The following SLC44A5 variants were observed in gnomAD, a reference collection of about 807,000 sequenced individuals.
SLC44A5 encodes the protein solute carrier family 44 member 5.
In SLC44A5, 57 loss-of-function variants were observed where a neutral mutation model predicts 101.8. The ratio of observed to expected loss-of-function variants is 0.56; its 90% CI spans 0.45 to 0.70. The LOEUF (loss-of-function observed/expected upper bound fraction) is 0.70. Ranked by LOEUF, SLC44A5 falls within the 30% of genes least tolerant of loss-of-function variation. The pLI is 0.00. For missense variants in SLC44A5, 737 were observed against 853.1 expected, an observed-to-expected ratio of 0.86 and a Z score of 1.70; for synonymous variants, 281 against 290.9, an observed-to-expected ratio of 0.97 and a Z score of 0.35.
intron 3 of SLC44A5, among the ~76,000 whole-genome samples, chr1:75,342,173 G>C (rs1016049396): frequency 1.3e-5 from 2 of 152,112 alleles, no homozygotes; most frequent in Admixed American, 6.5e-5. Flanking sequence ...TTTAGGAAGA[G>C]ACACAGACAT....
intron 6 of SLC44A5, among the ~76,000 whole-genome samples, chr1:75,264,324 C>A (rs900407126): frequency 7.9e-5 from 12 of 152,144 alleles, no homozygotes; most frequent in Non-Finnish European, 1.6e-4. Flanking sequence ...TGGCATTGAT[C>A]CCCATGTGCC....
intron 2 of SLC44A5, among the ~76,000 whole-genome samples, chr1:75,500,672 T>C (rs1357865939): frequency 1.3e-5 from 2 of 152,210 alleles, no homozygotes; most frequent in Non-Finnish European, 2.9e-5. Flanking sequence ...ATACAAACAC[T>C]CTGAGGTTCC....
At chr1:75,469,016 T>A (rs1453289658) in intron 2 of SLC44A5, among the ~76,000 whole-genome samples, 1 of 152,190 alleles carries the variant, frequency 6.6e-6, no homozygotes, top group East Asian at 1.9e-4. Context: ...ATGCCAGGTA[T>A]GCAAGTTTTA....
chr1:75,245,402 G>A (rs894535081), intron 7 of SLC44A5, among the ~76,000 whole-genome samples: 1 of 152,096 alleles, frequency 6.6e-6, no homozygotes. Flanking sequence ...CAATGCAAAT[G>A]TCAAAAGTTC....
intron 5 of SLC44A5, among the ~76,000 whole-genome samples, chr1:75,284,816 G>T (rs1431508012): frequency 1.3e-5 from 2 of 151,996 alleles, no homozygotes; most frequent in African/African-American, 2.4e-5. Context: ...CACATTTATT[G>T]ACTTGCATAT....
At chr1:75,229,363 T>G (rs960005627) in intron 12 of SLC44A5, among the ~76,000 whole-genome samples, 2 of 152,178 alleles carry the variant, frequency 1.3e-5, no homozygotes, top group South Asian at 2.1e-4. Context: ...TATAATAATC[T>G]GTAAGGCTCT....
chr1:75,636,939 G>A, the SLC44A5 span, among the ~76,000 whole-genome samples: 1 of 151,944 alleles, frequency 6.6e-6, no homozygotes, highest in African/African-American at 2.4e-5. Context: ...GAGCAGTAGA[G>A]AAAATGGGCA....
chr1:75,438,977 A>AGCAATATGCTATGGTTTAAAT (rs1665040713), intron 2 of SLC44A5, among the ~76,000 whole-genome samples: 1 of 152,142 alleles, frequency 6.6e-6, no homozygotes. Context: ...AAAATAAGCA[A>AGCAATATGCTATGGTTTAAAT]GCAATATGCT....
At chr1:75,461,970 G>A (rs1285021154) in intron 2 of SLC44A5, among the ~76,000 whole-genome samples, 1 of 152,200 alleles carries the variant, frequency 6.6e-6, no homozygotes, top group African/African-American at 2.4e-5. Flanking sequence ...TCACAATCCT[G>A]CAGGGAAGGA....
intron 2 of SLC44A5, among the ~76,000 whole-genome samples, chr1:75,495,702 GA>G (rs1005190692): frequency 6.6e-6 from 1 of 151,416 alleles, no homozygotes; most frequent in African/African-American, 2.4e-5. Flanking sequence ...AAAGCAAAAA[GA>G]AAAAAATGAA....
intron 3 of SLC44A5, among the ~76,000 whole-genome samples, chr1:75,341,696 C>T (rs1389682636): frequency 6.6e-6 from 1 of 152,122 alleles, no homozygotes; most frequent in Non-Finnish European, 1.5e-5. Flanking sequence ...GCTCCTAACA[C>T]TCAGCTCTGG....
the SLC44A5 span, among the ~76,000 whole-genome samples, chr1:75,669,981 AC>A: frequency 2.0e-5 from 3 of 152,224 alleles, no homozygotes; most frequent in Non-Finnish European, 2.9e-5. Flanking sequence ...AAAATGTATA[AC>A]ATGAGAGAAG....
In SLC44A5 at chr1:75,242,922, G is replaced by T. The variant is rs1484340309; in HGVS notation, c.435C>A (p.Tyr145Ter). The change falls in exon 8 of 24, where the codon TAC (tyrosine) becomes TAA (stop). Residue 145 changes from tyrosine to a stop codon, truncating the protein, a stop_gained. Transcript: ENST00000370859. LOFTEE classifies it high-confidence loss of function. ...YTKDKSYWED[Y>*]RQFCKTTAKP... is the part of the protein sequence containing the mutation. Reference sequence around the variant, plus strand: ...TAGCAGTGGTCTTACAGAACTGACGGTAGTCTTCCCAGTAGCTTTTGTCTT... The same window carrying T: ...TAGCAGTGGTCTTACAGAACTGACGTTAGTCTTCCCAGTAGCTTTTGTCTT... 6.2e-7 allele frequency: 1 copy of T among 1,612,044 alleles called. No individual in the cohort carries two copies. Among genetic ancestry groups the T allele is most frequent in the Non-Finnish European group, 8.5e-7 (1 of 1,178,950 alleles).
At chr1:75,556,505 G>T (rs1487105761) in intron 1 of SLC44A5, among the ~76,000 whole-genome samples, 2 of 152,004 alleles carry the variant, frequency 1.3e-5, no homozygotes, top group Non-Finnish European at 1.5e-5. Context: ...TCTGAGACAG[G>T]CACTTTGTTA....
chr1:75,218,451 A>G, intron 17 of SLC44A5, 39 bp downstream of exon 17: 1 of 1,608,488 alleles, frequency 6.2e-7, no homozygotes, highest in East Asian at 2.2e-5. Context: ...CACTAAATGT[A>G]ACTGACAAGA....
intron 1 of SLC44A5, among the ~76,000 whole-genome samples, chr1:75,590,127 C>T (rs1452199588): frequency 6.6e-6 from 1 of 151,944 alleles, no homozygotes; most frequent in African/African-American, 2.4e-5. Context: ...CTTCCCCTAA[C>T]CCCTGACTGC....
chr1:75,432,124 T>A (rs534462361), intron 2 of SLC44A5, among the ~76,000 whole-genome samples: 1 of 152,308 alleles, frequency 6.6e-6, no homozygotes, highest in Non-Finnish European at 1.5e-5. Context: ...CTTGTCAACT[T>A]TGATCTCTCC....
At chr1:75,289,899 A>G (rs190989660) in intron 5 of SLC44A5, among the ~76,000 whole-genome samples, 159 of 152,322 alleles carry the variant, frequency 1.0e-3, no homozygotes, top group African/African-American at 3.7e-3. Flanking sequence ...AATGGCCAGG[A>G]AGTTTGAGAA....
intron 1 of SLC44A5, among the ~76,000 whole-genome samples, chr1:75,572,894 A>T (rs1035434294): frequency 2.0e-5 from 3 of 151,998 alleles, no homozygotes; most frequent in African/African-American, 7.2e-5. Context: ...AGGCTAAGGC[A>T]GGCAGATCGC....
Sources: gnomAD v4.1 joint callset for allele counts (sites outside exome capture counted in the v4.1 genomes callset) on GRCh38, gnomAD v4.1.1 for gene constraint, MANE v1.5 for transcripts, NCBI Gene and HGNC (gene_info 2026-07-23, HGNC 2026-07-21) for gene names.